RYR2: variants seen among roughly 807,000 people sequenced by gnomAD.
The protein encoded by RYR2 is cardiac muscle ryanodine receptor-calcium release channel.
A neutral mutation model predicts 601.1 loss-of-function variants in RYR2; 227 were observed. That is an observed-to-expected ratio of 0.38 (90% CI 0.34 to 0.42). The LOEUF (loss-of-function observed/expected upper bound fraction) is 0.42, where lower values mean the gene tolerates loss of function less well. Ranked by LOEUF, RYR2 falls within the 10% of genes least tolerant of loss-of-function variation. RYR2 has a pLI of 1.00. For synonymous variants in RYR2, 2,223 were observed against 2,175.1 expected (o/e 1.02, Z -0.61); for missense variants, 4,646 against 6,156.5 (o/e 0.75, Z 8.21).
In RYR2 at chr1:237,417,050, A is replaced by G. The variant is rs750611654; in HGVS notation, c.775A>G (p.Thr259Ala). The change falls in exon 11 of 105, where the codon ACT (threonine) becomes GCT (alanine). Residue 259 changes from threonine to alanine, a missense_variant and splice_region_variant. Transcript: ENST00000366574. ...GCTTTTGTTTGTTTGTTGAAACAGA[A>G]CTGTTCATTATGAAGGTGGCGCTGT... ...SGEHGEEQRR[T>A]VHYEGGAVSV... 1 of 1,613,714 alleles carries G rather than the reference A, an allele frequency of 6.2e-7. No homozygotes were observed. Among genetic ancestry groups the G allele is most frequent in the Non-Finnish European group, 8.5e-7 (1 of 1,179,678 alleles).
At chr1:237,218,629 T>C (rs1299979764) in intron 1 of RYR2, among the ~76,000 whole-genome samples, 1 of 152,078 alleles carries the variant, frequency 6.6e-6, no homozygotes, top group African/African-American at 2.4e-5. Flanking sequence ...AGGTTCACCA[T>C]GGGGAATTTG....
In RYR2 at chr1:237,774,566, C is replaced by T. The variant is rs117327818; in HGVS notation, c.11775+918C>T. Among the ~76,000 whole-genome samples the T allele has an allele frequency of 4.6e-4, 70 of 152,160 alleles. No individual in the cohort carries two copies. In the East Asian group the frequency reaches 0.013, roughly 28 times the overall value. On this transcript the variant is annotated intron_variant, in intron 87 of 104. Transcript: ENST00000366574. The stretch of plus-strand genomic sequence containing the variant: ...TTTTTGCCTTGGTGGGGAAGAGGAA[C>T]CTTATTTCAGCATTTCCAGATGGAA...
intron 1 of RYR2, among the ~76,000 whole-genome samples, chr1:237,171,533 A>C (rs527609085): frequency 1.3e-5 from 2 of 152,250 alleles, no homozygotes; most frequent in South Asian, 4.1e-4. Context: ...TTTCCTTACT[A>C]TGTGTTAGAA....
intron 2 of RYR2, among the ~76,000 whole-genome samples, chr1:237,296,241 G>A (rs1692769555): frequency 1.3e-5 from 2 of 152,110 alleles, no homozygotes; most frequent in South Asian, 4.1e-4. Context: ...GATAGTTGGG[G>A]GCTGATTTTC....
chr1:237,484,103 G>A (rs976713553), intron 17 of RYR2, among the ~76,000 whole-genome samples: 2 of 152,116 alleles, frequency 1.3e-5, no homozygotes, highest in South Asian at 2.1e-4. Context: ...TAGCTTAGAC[G>A]AAAGGGTTTC....
At chr1:237,214,758 C>G (rs528117695) in intron 1 of RYR2, among the ~76,000 whole-genome samples, 9 of 152,268 alleles carry the variant, frequency 5.9e-5, no homozygotes, top group Admixed American at 2.0e-4. Flanking sequence ...ATCCATTTCT[C>G]TTTATAATAT....
intron 29 of RYR2, among the ~76,000 whole-genome samples, chr1:237,588,000 A>G (rs1033369181): frequency 3.3e-5 from 5 of 152,226 alleles, no homozygotes; most frequent in Non-Finnish European, 1.5e-5. Flanking sequence ...TCTGAGATCT[A>G]TTGTATTTAC....
intron 20 of RYR2, 49 bp downstream of exon 20, chr1:237,496,801 G>GGGCA (rs1434446109): frequency 6.4e-7 from 1 of 1,569,584 alleles, no homozygotes; most frequent in South Asian, 1.2e-5. Flanking sequence ...ATCTTTTGCT[G>GGGCA]GGCATTTCTG....
At chr1:237,688,393 G>A (rs1257339759) in intron 63 of RYR2, among the ~76,000 whole-genome samples, 3 of 151,854 alleles carry the variant, frequency 2.0e-5, no homozygotes, top group African/African-American at 7.3e-5. Context: ...GTTAAACTGA[G>A]GAACGGGTAT....
At chr1:237,573,680 C>G (rs970731502) in intron 29 of RYR2, among the ~76,000 whole-genome samples, 2 of 151,406 alleles carry the variant, frequency 1.3e-5, no homozygotes, top group African/African-American at 4.8e-5. Flanking sequence ...AGCGTGGTGG[C>G]GGGCACTTGT....
At chr1:237,711,182 T>A (rs1688807593) in intron 70 of RYR2, among the ~76,000 whole-genome samples, 1 of 152,150 alleles carries the variant, frequency 6.6e-6, no homozygotes, top group Non-Finnish European at 1.5e-5. Context: ...TAAGCAAAAA[T>A]ATCTGAATAT....
At chr1:237,044,186 T>G (rs201213360) in intron 1 of RYR2, among the ~76,000 whole-genome samples, 38 of 3,906 alleles carry the variant, frequency 9.7e-3, no homozygotes, top group African/African-American at 0.019. Context: ...ACTATAAGGG[T>G]TTTTTTTTTT....
Position 237,781,652 on chromosome 1 carries a change from T to C in RYR2, c.11962+6T>C. ...GTTGCTGTCCATGTTAGAAGGTAGTTTTGATTTATACTTTTAAATTCTCTT... is the reference window on the plus strand; with the variant it reads ...GTTGCTGTCCATGTTAGAAGGTAGTCTTGATTTATACTTTTAAATTCTCTT... On this transcript the variant is annotated splice_donor_region_variant and intron_variant, in intron 89 of 104. Transcript: ENST00000366574. 6.7e-7 allele frequency: 1 copy of C among 1,498,226 alleles called. No individual in the cohort carries two copies. The highest frequency in any genetic ancestry group is 9.2e-7 in the Non-Finnish European group (1 of 1,087,720). 92.8% of individuals were successfully genotyped at this position (1,498,226 alleles called of 1,614,324 possible).
intron 35 of RYR2, among the ~76,000 whole-genome samples, chr1:237,608,704 A>T (rs1409287266): frequency 2.6e-5 from 4 of 151,592 alleles, no homozygotes; most frequent in Non-Finnish European, 4.4e-5. Flanking sequence ...CCTTGTCTCA[A>T]TTATTATATT....
At chr1:237,728,978 A>C (rs1460324334) in intron 76 of RYR2, among the ~76,000 whole-genome samples, 1 of 113,496 alleles carries the variant, frequency 8.8e-6, no homozygotes, top group African/African-American at 2.6e-5. Context: ...ATTAACTTTG[A>C]ATTCACATTA....
At chr1:237,237,402 C>G (rs370761827) in intron 1 of RYR2, among the ~76,000 whole-genome samples, 116 of 152,326 alleles carry the variant, frequency 7.6e-4, no homozygotes, top group Middle Eastern at 3.4e-3. Flanking sequence ...GGACCTCGCT[C>G]TAGGCCAGAG....
chr1:237,529,134 G>T (rs1667865567), intron 24 of RYR2, among the ~76,000 whole-genome samples: 1 of 152,108 alleles, frequency 6.6e-6, no homozygotes, highest in South Asian at 2.1e-4. Context: ...GGAATGGAGG[G>T]TGCTGGTAAA....
At chr1:237,283,652 C>T (rs1381467004) in intron 2 of RYR2, among the ~76,000 whole-genome samples, 1 of 152,136 alleles carries the variant, frequency 6.6e-6, no homozygotes, top group African/African-American at 2.4e-5. Context: ...GAATACACAG[C>T]CACTGTCTTC....
intron 10 of RYR2, among the ~76,000 whole-genome samples, chr1:237,400,325 C>T (rs1703235393): frequency 6.6e-6 from 1 of 152,210 alleles, no homozygotes; most frequent in African/African-American, 2.4e-5. Flanking sequence ...CGACAGCCTT[C>T]TCCTCCGCAT....
Sources: gnomAD v4.1 joint callset for allele counts (sites outside exome capture counted in the v4.1 genomes callset) on GRCh38, gnomAD v4.1.1 for gene constraint, MANE v1.5 for transcripts, NCBI Gene and HGNC (gene_info 2026-07-23, HGNC 2026-07-21) for gene names.